ATG5: variants seen among roughly 807,000 people sequenced by gnomAD.
ATG5 encodes autophagy protein 5.
Under a neutral mutation model 36.5 loss-of-function variants are expected in ATG5, and 14 were observed. That is an observed-to-expected ratio of 0.38 (90% confidence interval 0.25 to 0.60). The LOEUF is 0.60. Ranked by LOEUF, ATG5 falls within the 20% of genes least tolerant of loss-of-function variation. The probability of loss-of-function intolerance (pLI) is 0.60; values close to 1 mark genes in which losing one functional copy is unlikely to be tolerated. For synonymous variants in ATG5, 95 were observed against 101.5 expected (o/e 0.94, Z 0.38); for missense variants, 195 against 326.7 (o/e 0.60, Z 3.11).
intron 5 of ATG5, among the ~76,000 whole-genome samples, chr6:106,272,843 G>C (rs1369732816): frequency 6.6e-6 from 1 of 152,124 alleles, no homozygotes; most frequent in East Asian, 1.9e-4. Flanking sequence ...TCCAAGACTT[G>C]ATTAAACATG....
At chr6:106,276,324 C>T (rs1246006643) in intron 5 of ATG5, among the ~76,000 whole-genome samples, 2 of 152,066 alleles carry the variant, frequency 1.3e-5, no homozygotes, top group Admixed American at 6.5e-5. Flanking sequence ...ATTAGCCAGG[C>T]ACGGTGGCAG....
chr6:106,324,941 T>C lies in ATG5; in HGVS notation c.-59+585A>G, dbSNP rs180911716. 9.3e-4 allele frequency among the ~76,000 whole-genome samples: 142 copies of C among 152,298 alleles called. 1 individual carries two copies. The South Asian group carries it at 0.028, about 30-fold the overall frequency. The stretch of plus-strand genomic sequence containing the variant: ...TGTCTGGTAAGTCTCCGGGTTCTGA[T>C]TGCTCAAGACAGGCTGTACCTCCTC... On this transcript the variant is annotated intron_variant, in intron 1 of 7. Transcript: ENST00000369076.
intron 4 of ATG5, among the ~76,000 whole-genome samples, chr6:106,290,602 G>GT (rs1230429618): frequency 1.3e-5 from 2 of 152,116 alleles, no homozygotes; most frequent in East Asian, 3.9e-4. Context: ...CAGGTGTGAG[G>GT]TATCATGCCC....
intron 7 of ATG5, among the ~76,000 whole-genome samples, chr6:106,199,907 T>C (rs1776351030): frequency 6.6e-6 from 1 of 152,184 alleles, no homozygotes; most frequent in South Asian, 2.1e-4. Flanking sequence ...AACCTTACTA[T>C]AAAGGCTAGT....
intron 5 of ATG5, among the ~76,000 whole-genome samples, chr6:106,266,980 T>C (rs1023206161): frequency 2.6e-5 from 4 of 152,120 alleles, no homozygotes; most frequent in East Asian, 1.9e-4. Flanking sequence ...CTATTCAACA[T>C]AGTACTGGAA....
At chr6:106,317,756 A>G (rs1293019868) in intron 1 of ATG5, among the ~76,000 whole-genome samples, 1 of 152,224 alleles carries the variant, frequency 6.6e-6, no homozygotes, top group Non-Finnish European at 1.5e-5. Flanking sequence ...AAAATTTCCA[A>G]GTTTACAAAT....
rs144702940 is a variant in ATG5 at position 106,247,750 on chromosome 6, T to C, written c.573+400A>G. ...TGTAAAAGCATGGCACTACATACAC[T>C]GTGACAAGAAGGCTTGTTTATAGTA... On this transcript the variant is annotated intron_variant, in intron 6 of 7. Coordinates refer to ENST00000369076, the MANE Select transcript of ATG5 (RefSeq NM_004849.4). 4.9e-4 allele frequency among the ~76,000 whole-genome samples: 75 copies of C among 152,288 alleles called. 1 individual carries two copies. In the East Asian group the frequency reaches 9.4e-3, roughly 19 times the overall value.
chr6:106,229,876 T>A (rs1182594604), intron 6 of ATG5, among the ~76,000 whole-genome samples: 1 of 152,244 alleles, frequency 6.6e-6, no homozygotes, highest in Admixed American at 6.5e-5. Flanking sequence ...GGTTCAGAAT[T>A]ATTCTAAGTC....
chr6:106,241,844 A>G (rs1426979540), intron 6 of ATG5, among the ~76,000 whole-genome samples: 1 of 152,134 alleles, frequency 6.6e-6, no homozygotes, highest in Non-Finnish European at 1.5e-5. Flanking sequence ...GGGTCTGATG[A>G]GGTAGGCTGC....
chr6:106,295,957 A>C (rs1051687234), intron 3 of ATG5, among the ~76,000 whole-genome samples: 2 of 152,192 alleles, frequency 1.3e-5, no homozygotes, highest in Non-Finnish European at 2.9e-5. Flanking sequence ...TATTTAAAAA[A>C]CGAGAAAACT....
intron 6 of ATG5, among the ~76,000 whole-genome samples, chr6:106,219,339 T>C (rs1330626983): frequency 6.6e-6 from 1 of 152,196 alleles, no homozygotes; most frequent in Non-Finnish European, 1.5e-5. Flanking sequence ...CAAAAATAAG[T>C]ATAACATACA....
At chr6:106,224,813 G>A (rs758775427) in intron 6 of ATG5, among the ~76,000 whole-genome samples, 8 of 152,094 alleles carry the variant, frequency 5.3e-5, no homozygotes, top group African/African-American at 1.2e-4. Context: ...CCCGGGAGGC[G>A]GAGGTTGCAG....
chr6:106,234,781 G>A (rs535052460), intron 6 of ATG5, among the ~76,000 whole-genome samples: 2 of 152,120 alleles, frequency 1.3e-5, no homozygotes, highest in African/African-American at 4.8e-5. Context: ...TGGCATTGGC[G>A]GTACCACAAC....
intron 6 of ATG5, among the ~76,000 whole-genome samples, chr6:106,240,016 G>C (rs1778055823): frequency 1.3e-5 from 2 of 151,042 alleles, no homozygotes; most frequent in African/African-American, 4.9e-5. Context: ...TTTTTGAGAC[G>C]GGGTCTTGCT....
At chr6:106,227,955 C>T (rs1777509460) in intron 6 of ATG5, among the ~76,000 whole-genome samples, 1 of 152,098 alleles carries the variant, frequency 6.6e-6, no homozygotes, top group South Asian at 2.1e-4. Context: ...TGTAAAAAAG[C>T]TTAAGGTAAA....
intron 1 of ATG5, among the ~76,000 whole-genome samples, chr6:106,323,262 T>TTTTC: frequency 1.1e-5 from 1 of 90,880 alleles, no homozygotes; most frequent in African/African-American, 5.4e-5. Flanking sequence ...GAAAAGTCCT[T>TTTTC]TTTTTTTTTT....
chr6:106,282,033 T>C (rs1243770228), intron 4 of ATG5, among the ~76,000 whole-genome samples: 1 of 152,246 alleles, frequency 6.6e-6, no homozygotes. Flanking sequence ...TTGAGTATAA[T>C]GTGAATTTTA....
rs1029333812 is a variant in ATG5, at chr6:106,184,570, C to T, written c.*1970G>A. ...AAGCCAGCATGAATTTCTGGTTTTA[C>T]TCTTCCTCTAGGGCATTGTAGGCTT... On this transcript the variant is annotated 3_prime_UTR_variant, in exon 8 of 8. Coordinates refer to ENST00000369076, the MANE Select transcript of ATG5 (RefSeq NM_004849.4). 2 of 152,248 alleles carry T rather than the reference C, an allele frequency of 1.3e-5. No individual in the cohort carries two copies. Among genetic ancestry groups the T allele is most frequent in the African/African-American group, 4.8e-5 (2 of 41,434 alleles). 9.4% of individuals were successfully genotyped at this position (152,248 alleles called of 1,614,324 possible).
intron 6 of ATG5, among the ~76,000 whole-genome samples, chr6:106,235,427 A>G (rs1270490465): frequency 2.6e-5 from 4 of 152,130 alleles, no homozygotes; most frequent in Admixed American, 2.6e-4. Flanking sequence ...AAGCAGTTAG[A>G]CTGGTCGTCA....
Sources: gnomAD v4.1 joint callset for allele counts (sites outside exome capture counted in the v4.1 genomes callset) on GRCh38, gnomAD v4.1.1 for gene constraint, MANE v1.5 for transcripts, NCBI Gene and HGNC (gene_info 2026-07-23, HGNC 2026-07-21) for gene names.